Variants in HDAC8 observed in about 807,000 individuals in gnomAD.
HDAC8 encodes histone deacetylase 8, also known as histone deacetylase-like 1.
A neutral mutation model predicts 32.2 loss-of-function variants in HDAC8; 1 was observed. The observed-to-expected ratio is 0.03, with a 90% CI of 0.01 to 0.15. HDAC8 has a LOEUF of 0.15. Among genes scored for constraint, HDAC8 ranks in the 10% least tolerant of loss-of-function variants. HDAC8 has a pLI of 1.00. For missense variants in HDAC8, 117 were observed against 300.0 expected, an observed-to-expected ratio of 0.39 and a Z score of 4.51; for synonymous variants, 108 against 113.9, an observed-to-expected ratio of 0.95 and a Z score of 0.33.
At chrX:72,387,678 G>C (rs782813954) in intron 9 of HDAC8, among the ~76,000 whole-genome samples, 1 of 111,733 alleles carries the variant, frequency 8.9e-6, no homozygotes, top group Non-Finnish European at 1.9e-5. Context: ...GATAAATAAC[G>C]CATCTAAAGC....
chrX:72,346,611 T>C (rs547361649), intron 10 of HDAC8, among the ~76,000 whole-genome samples: 6 of 112,094 alleles, frequency 5.4e-5, no homozygotes, highest in African/African-American at 9.7e-5. Context: ...GGGTCTCAGA[T>C]TGGGGCTGTG....
At chrX:72,416,993 A>T (rs5912131) in intron 9 of HDAC8, among the ~76,000 whole-genome samples, 38 of 111,245 alleles carry the variant, frequency 3.4e-4, no homozygotes, top group Non-Finnish European at 7.0e-4. Context: ...TAATTGTTTT[A>T]ATATTATTGT....
chrX:72,554,550 G>C (rs1290247132), intron 4 of HDAC8, among the ~76,000 whole-genome samples: 4 of 106,616 alleles, frequency 3.8e-5, no homozygotes, highest in African/African-American at 1.4e-4. Context: ...CACAGTGGGA[G>C]TGAGACCGGC....
intron 9 of HDAC8, among the ~76,000 whole-genome samples, chrX:72,434,426 G>A (rs782032340): frequency 4.5e-5 from 5 of 112,057 alleles, no homozygotes; most frequent in African/African-American, 6.5e-5. Context: ...ATAGTTTGCT[G>A]AATGCCTGGT....
intron 7 of HDAC8, among the ~76,000 whole-genome samples, chrX:72,487,608 T>C (rs1374522940): frequency 1.8e-5 from 2 of 109,844 alleles, no homozygotes; most frequent in African/African-American, 3.3e-5. Flanking sequence ...TAGGGAGCAC[T>C]AGATATTACA....
At chrX:72,417,296 T>C (rs2046370492) in intron 9 of HDAC8, among the ~76,000 whole-genome samples, 1 of 111,330 alleles carries the variant, frequency 9.0e-6, no homozygotes, top group African/African-American at 3.3e-5. Context: ...TCAAACTATC[T>C]CTGTTTGCAG....
At chrX:72,536,255 CAG>C (rs1438765603) in intron 4 of HDAC8, among the ~76,000 whole-genome samples, 1 of 111,474 alleles carries the variant, frequency 9.0e-6, no homozygotes, top group Non-Finnish European at 1.9e-5. Context: ...CTGGAAAAAA[CAG>C]AAATCTTTCT....
chrX:72,426,177 T>C (rs2147937929), intron 9 of HDAC8, among the ~76,000 whole-genome samples: 1 of 112,540 alleles, frequency 8.9e-6, no homozygotes, highest in South Asian at 3.7e-4. Flanking sequence ...GTTTTGAGTG[T>C]AACTGGAATG....
At chrX:72,385,394 G>A (rs1276793614) in intron 9 of HDAC8, among the ~76,000 whole-genome samples, 1 of 110,487 alleles carries the variant, frequency 9.1e-6, no homozygotes, top group Non-Finnish European at 1.9e-5. Context: ...AGCATAGGAG[G>A]TCGAGGCTAC....
At chrX:72,463,769 T>C (rs933291631) in intron 8 of HDAC8, among the ~76,000 whole-genome samples, 3 of 111,560 alleles carry the variant, frequency 2.7e-5, no homozygotes, top group Non-Finnish European at 5.7e-5. Flanking sequence ...CTCTAACAGG[T>C]TGACAAAACA....
chrX:72,534,456 G>T (rs1569380091), intron 4 of HDAC8, among the ~76,000 whole-genome samples: 1 of 108,843 alleles, frequency 9.2e-6, no homozygotes, highest in Non-Finnish European at 1.9e-5. Context: ...CTATAGGCGC[G>T]CATCACCATG....
intron 4 of HDAC8, among the ~76,000 whole-genome samples, chrX:72,555,374 A>G (rs2051248964): frequency 8.9e-6 from 1 of 112,168 alleles, no homozygotes. Context: ...ATACCAGCTC[A>G]CCAGCAATGG....
intron 9 of HDAC8, among the ~76,000 whole-genome samples, chrX:72,443,044 G>C (rs1292411024): frequency 9.3e-6 from 1 of 107,382 alleles, no homozygotes; most frequent in Non-Finnish European, 1.9e-5. Flanking sequence ...AGCAAGTCCT[G>C]AGTGACCTAC....
At chrX:72,536,543 G>A (rs185630504) in intron 4 of HDAC8, among the ~76,000 whole-genome samples, 20 of 112,327 alleles carry the variant, frequency 1.8e-4, no homozygotes, top group African/African-American at 6.1e-4. Context: ...AAATAAATAA[G>A]CTTCGTGCAC....
intron 4 of HDAC8, among the ~76,000 whole-genome samples, chrX:72,525,770 C>T (rs915625970): frequency 2.7e-4 from 25 of 91,993 alleles, no homozygotes; most frequent in African/African-American, 9.8e-4. Flanking sequence ...GCCGAGATCG[C>T]GCCACTGCAC....
At chrX:72,552,553 G>T (rs1383222005) in intron 4 of HDAC8, among the ~76,000 whole-genome samples, 1 of 109,729 alleles carries the variant, frequency 9.1e-6, no homozygotes, top group East Asian at 2.8e-4. Context: ...AGTGGAGGTT[G>T]CAGTGAGCTG....
At chrX:72,537,398 T>A (rs1164006694) in intron 4 of HDAC8, among the ~76,000 whole-genome samples, 2 of 112,428 alleles carry the variant, frequency 1.8e-5, no homozygotes, top group Non-Finnish European at 3.8e-5. Context: ...TGTTATCTCA[T>A]GTGAATGGCT....
At chrX:72,439,068 G>C (rs1336809066) in intron 9 of HDAC8, among the ~76,000 whole-genome samples, 1 of 111,566 alleles carries the variant, frequency 9.0e-6, no homozygotes, top group Non-Finnish European at 1.9e-5. Flanking sequence ...CAGAGAGAAA[G>C]GTCGGGTTAC....
intron 9 of HDAC8, among the ~76,000 whole-genome samples, chrX:72,443,682 A>G (rs1602877316): frequency 9.2e-6 from 1 of 108,268 alleles, no homozygotes; most frequent in African/African-American, 3.5e-5. Flanking sequence ...AAATAACTAA[A>G]ATCAGAGCAG....
Sources: gnomAD v4.1 joint callset for allele counts (sites outside exome capture counted in the v4.1 genomes callset) on GRCh38, gnomAD v4.1.1 for gene constraint, MANE v1.5 for transcripts, NCBI Gene and HGNC (gene_info 2026-07-23, HGNC 2026-07-21) for gene names.